The following GLB1 variants were observed in gnomAD, a reference collection of about 807,000 sequenced individuals.
GLB1 encodes the protein beta-galactosidase.
In GLB1, 56 loss-of-function variants were observed where a neutral mutation model predicts 74.0. The observed-to-expected ratio is 0.76, with a 90% CI of 0.61 to 0.94. GLB1 has a LOEUF of 0.94. Ranked by LOEUF, GLB1 falls within the 40% of genes least tolerant of loss-of-function variation. GLB1 has a pLI of 0.00. For synonymous variants in GLB1, 323 were observed against 323.6 expected, an observed-to-expected ratio of 1.00 and a Z score of 0.02; for missense variants, 787 against 845.5, an observed-to-expected ratio of 0.93 and a Z score of 0.86.
At chr3:33,030,057 ACT>A (rs1212623079) in intron 10 of GLB1, 2 of 152,110 alleles carry the variant, frequency 1.3e-5, no homozygotes, top group African/African-American at 2.4e-5. Context: ...GTCAAAGAAG[ACT>A]CTGCAGATAA....
Position 33,021,402 on chromosome 3 carries a change from C to G in GLB1, c.1233+164G>C, listed in dbSNP as rs1229225270. 8.6e-6 allele frequency: 7 copies of G among 817,656 alleles called. No individual in the cohort carries two copies. In the East Asian group the frequency reaches 1.9e-4, roughly 22 times the overall value. 50.7% of individuals were successfully genotyped at this position (817,656 alleles called of 1,614,324 possible). ...GGCATGATCAGCCCACCACGCAGCA[C>G]TTCAAGCTAAAGAGAGCCTGGAAAT... On this transcript the variant is annotated intron_variant, in intron 12 of 15. Coordinates refer to ENST00000307363, the MANE Select transcript of GLB1 (RefSeq NM_000404.4).
At chr3:33,094,797 A>C (rs975635002) in intron 1 of GLB1, among the ~76,000 whole-genome samples, 10 of 152,258 alleles carry the variant, frequency 6.6e-5, no homozygotes, top group African/African-American at 2.4e-4. Flanking sequence ...AGAGATTTGC[A>C]GAAATGTAAA....
At chr3:33,009,662 A>G (rs959441997) in intron 15 of GLB1, among the ~76,000 whole-genome samples, 1 of 152,250 alleles carries the variant, frequency 6.6e-6, no homozygotes, top group Non-Finnish European at 1.5e-5. Context: ...GCTGGGCCAT[A>G]AAACAAGTCT....
intron 1 of GLB1, among the ~76,000 whole-genome samples, chr3:33,083,208 A>C (rs9831194): frequency 0.087 from 13,254 of 151,938 alleles, 1,849 homozygotes; most frequent in African/African-American, 0.3. Flanking sequence ...GACCAGCCTG[A>C]CCAACATGGC....
intron 15 of GLB1, among the ~76,000 whole-genome samples, chr3:33,001,799 A>T (rs1463645769): frequency 6.6e-6 from 1 of 152,220 alleles, no homozygotes; most frequent in Non-Finnish European, 1.5e-5. Context: ...CTTCTGAAAG[A>T]ATTCTTCACG....
the GLB1 span, among the ~76,000 whole-genome samples, chr3:32,965,460 A>G: frequency 6.6e-6 from 1 of 152,292 alleles, no homozygotes; most frequent in South Asian, 2.1e-4. Flanking sequence ...GGAACATTGA[A>G]CTTGAGAGAG....
chr3:33,057,937 G>T, intron 6 of GLB1, 152 bp downstream of exon 6: 1 of 1,019,572 alleles, frequency 9.8e-7, no homozygotes, highest in Non-Finnish European at 1.5e-6. Context: ...GTTACTGAGG[G>T]GTGCAAGTAT....
intron 11 of GLB1, among the ~76,000 whole-genome samples, chr3:33,023,776 G>A (rs1472958168): frequency 6.6e-6 from 1 of 151,934 alleles, no homozygotes; most frequent in Non-Finnish European, 1.5e-5. Flanking sequence ...CCCATTTAAC[G>A]TATAAACCAC....
intron 1 of GLB1, among the ~76,000 whole-genome samples, chr3:33,080,855 C>G (rs1024980530): frequency 1.3e-5 from 2 of 152,192 alleles, no homozygotes; most frequent in African/African-American, 4.8e-5. Flanking sequence ...GTGGCCTCAA[C>G]AGCAGATCAT....
chr3:32,997,142 G>C lies in GLB1; in HGVS notation c.1937C>G (p.Ser646Ter). ...GGAGGGATGATCGTAGGTCACAGAT[G>C]AGCCAATAACTGGCCTGTCCACGAA... is the stretch of plus-strand genomic sequence containing the variant. Reference protein sequence around the residue: ...VTFVDRPVIGSSVTYDHPSKP... With the variant: ...VTFVDRPVIG The change falls in exon 16 of 16, where the codon TCA (serine) becomes TGA (stop). Residue 646 changes from serine (S) to a stop codon, truncating the protein, a stop_gained. Coordinates refer to ENST00000307363, the MANE Select transcript of GLB1 (RefSeq NM_000404.4). LOFTEE classifies it low-confidence loss of function (END_TRUNC). 1 of 1,614,150 alleles carries C rather than the reference G, an allele frequency of 6.2e-7. No homozygotes were observed. The highest frequency in any genetic ancestry group is 8.5e-7 in the Non-Finnish European group (1 of 1,180,044).
the GLB1 span, among the ~76,000 whole-genome samples, chr3:32,975,813 T>C: frequency 3.9e-5 from 6 of 152,330 alleles, no homozygotes; most frequent in East Asian, 1.2e-3. Flanking sequence ...TAAATAAATA[T>C]GCTGATCTAT....
At chr3:33,045,975 G>C in intron 10 of GLB1, 145 bp downstream of exon 10, 1 of 1,143,210 alleles carries the variant, frequency 8.7e-7, no homozygotes, top group Non-Finnish European at 1.3e-6. Context: ...GGTACAAGAT[G>C]CAAACCCAAG....
At position 33,072,618 on chromosome 3, in the gene GLB1, G is replaced by A. The variant is rs398123350; in HGVS notation, c.171C>T (p.Tyr57=). The change falls in exon 2 of 16, where the codon TAC becomes TAT. Residue 57 remains tyrosine, a synonymous_variant. Coordinates refer to ENST00000307363, the MANE Select transcript of GLB1 (RefSeq NM_000404.4). The stretch of plus-strand genomic sequence containing the variant: ...TCCAGTAGAAGCGGGGCACACGGGA[G>A]TAGTGAATGCTTCCTGAGATGTAGC... ...PFRYISGSIH[Y]SRVPRFYWKD... is the part of the protein sequence containing the mutation. 3 of 1,614,114 alleles carry A rather than the reference G, an allele frequency of 1.9e-6. No homozygotes were observed. The highest frequency in any genetic ancestry group is 2.5e-6 in the Non-Finnish European group (3 of 1,180,026).
chr3:33,069,317 T>C (rs1278388862), intron 2 of GLB1, among the ~76,000 whole-genome samples: 1 of 152,004 alleles, frequency 6.6e-6, no homozygotes, highest in African/African-American at 2.4e-5. Context: ...CTAGGGAGGT[T>C]GAAGCTGCAG....
At chr3:33,006,417 CA>C (rs1696791267) in intron 15 of GLB1, among the ~76,000 whole-genome samples, 1 of 151,924 alleles carries the variant, frequency 6.6e-6, no homozygotes, top group Admixed American at 6.6e-5. Flanking sequence ...AAACCATTTC[CA>C]CCCCCCCACC....
chr3:33,056,476 C>T (rs1699228650), intron 6 of GLB1, among the ~76,000 whole-genome samples: 1 of 151,504 alleles, frequency 6.6e-6, no homozygotes, highest in Non-Finnish European at 1.5e-5. Context: ...TGCAGTGGCA[C>T]AATCACAGCT....
At chr3:33,026,084 G>A (rs1697740484) in intron 10 of GLB1, among the ~76,000 whole-genome samples, 1 of 151,984 alleles carries the variant, frequency 6.6e-6, no homozygotes, top group Non-Finnish European at 1.5e-5. Context: ...GCAGTGCCAC[G>A]ATCCATGGAG....
At chr3:33,083,139 T>A (rs1388770211) in intron 1 of GLB1, among the ~76,000 whole-genome samples, 1 of 152,126 alleles carries the variant, frequency 6.6e-6, no homozygotes. Context: ...GGCTCACGCC[T>A]GTAATCCCAG....
At chr3:32,991,525 C>T in the GLB1 span, among the ~76,000 whole-genome samples, 208 of 152,298 alleles carry the variant, frequency 1.4e-3, 1 homozygote, top group Non-Finnish European at 6.6e-4. Context: ...TGGGTTATGA[C>T]TACTTTGACC....
Sources: allele counts gnomAD v4.1 joint callset (sites outside exome capture counted in the v4.1 genomes callset), GRCh38; gene constraint gnomAD v4.1.1; transcripts MANE v1.5; gene names NCBI Gene and HGNC (gene_info 2026-07-23, HGNC 2026-07-21).